The following PLCB2 variants were observed in gnomAD, a reference collection of about 807,000 sequenced individuals.
The protein encoded by PLCB2 is phospholipase C beta 2, also known as 1-phosphatidylinositol 4,5-bisphosphate phosphodiesterase beta-2.
In PLCB2, 115 loss-of-function variants were observed where a neutral mutation model predicts 141.7. The observed-to-expected ratio is 0.81, with a 90% confidence interval of 0.70 to 0.95. PLCB2 has a LOEUF of 0.95. Among genes scored for constraint, PLCB2 ranks in the 40% least tolerant of loss-of-function variants. PLCB2 has a pLI of 0.00. For synonymous variants in PLCB2, 603 were observed against 595.6 expected (o/e 1.01, Z -0.18); for missense variants, 1,403 against 1,541.1 (o/e 0.91, Z 1.50).
chr15:40,292,424 C>A lies in PLCB2; in HGVS notation c.2346G>T (p.Leu782=), dbSNP rs1270668559. Residue 782 remains leucine (L), a synonymous_variant, in exon 22 of 32, where the codon CTG becomes CTT. Coordinates refer to ENST00000260402, the MANE Select transcript of PLCB2 (RefSeq NM_004573.3). The stretch of plus-strand genomic sequence containing the variant: ...TGAGGGGCATGTTGCTCTCACTGTG[C>A]AGGCACAGGTGGTGGTACCCTGTGA... The part of the protein sequence containing the change: ...ALNSGYHHLC[L]HSESNMPLTM... 1 of 1,613,376 alleles carries A rather than the reference C, an allele frequency of 6.2e-7. No homozygotes were observed. Among genetic ancestry groups the A allele is most frequent in the Non-Finnish European group, 8.5e-7 (1 of 1,179,500 alleles).
chr15:40,285,708 T>C (rs1261841388), downstream of PLCB2: 1 of 985,368 alleles, frequency 1.0e-6, no homozygotes, highest in Non-Finnish European at 1.2e-6. Context: ...GTGAGGGAAA[T>C]TGCTTTCTTC....
chr15:40,305,187 T>C (rs4924451), intron 1 of PLCB2, among the ~76,000 whole-genome samples: 62,969 of 141,136 alleles, frequency 0.45, 13,696 homozygotes, highest in East Asian at 0.69. Flanking sequence ...TTTTTTTTTT[T>C]TTTTTTTTTA....
At chr15:40,289,919 T>A in intron 30 of PLCB2, 106 bp downstream of exon 30, 1 of 862,062 alleles carries the variant, frequency 1.2e-6, no homozygotes, top group East Asian at 2.5e-5. Context: ...CACCCCTTCC[T>A]ACTTGTGAAG....
At chr15:40,289,950 AGAGAGAGAGAGAGAGAGAGTGTGT>A (rs1339486652) in intron 30 of PLCB2, 51 bp downstream of exon 30, 13 of 394,710 alleles carry the variant, frequency 3.3e-5, no homozygotes, top group African/African-American at 2.6e-4. Context: ...AGAGAGAGAG[AGAGAGAGAGAGAGAGAGAGTGTGT>A]GTGTGTGTGT....
intron 16 of PLCB2, 29 bp from the exon 17 acceptor site, chr15:40,295,314 G>C: frequency 1.3e-6 from 2 of 1,487,364 alleles, no homozygotes; most frequent in Non-Finnish European, 1.9e-6. Flanking sequence ...GAGGGGAGGA[G>C]TTTTATCAGG....
chr15:40,297,802 G>T lies in PLCB2; in HGVS notation c.1238+75C>A, dbSNP rs555412173. ...TAGGCAATGGTTAGAGGCTGGGGCA[G>T]TTGTGGGGAGGACAGTTGCAGACAG... On this transcript the variant is annotated intron_variant, in intron 12 of 31. Coordinates refer to ENST00000260402, the MANE Select transcript of PLCB2 (RefSeq NM_004573.3). The surrounding 1 kb of genome is among the most constrained non-coding windows in gnomAD (Gnocchi z 4.2). 2 of 1,217,106 alleles carry T rather than the reference G, an allele frequency of 1.6e-6. No individual in the cohort carries two copies. Among genetic ancestry groups the T allele is most frequent in the Non-Finnish European group, 2.4e-6 (2 of 824,524 alleles). The allele number at this position is 1,217,106 out of a possible 1,614,324, so 75.4% of individuals were successfully genotyped here. A position where few individuals can be genotyped will look rare whatever the true frequency, so the allele number is the denominator to read the frequency against.
chr15:40,296,330 C>T lies in PLCB2; in HGVS notation c.1662G>A (p.Gln554=), dbSNP rs1240365637. The change falls in exon 16 of 32, where the codon CAG becomes CAA. Residue 554 remains glutamine (Q), a synonymous_variant. Coordinates refer to ENST00000260402, the MANE Select transcript of PLCB2 (RefSeq NM_004573.3). ...ACTCAAAGGAGACGAACTTGGTGGG[C>T]TGGATGTAATTGACTAGGCTGGACA... The part of the protein sequence containing the change: ...EEMSSLVNYI[Q]PTKFVSFEFS... 6.2e-7 allele frequency: 1 copy of T among 1,613,714 alleles called. No individual in the cohort carries two copies. The highest frequency in any genetic ancestry group is 1.1e-5 in the South Asian group (1 of 90,960).
Position 40,297,025 on chromosome 15 carries a change from A to G in PLCB2, c.1324-117T>C, listed in dbSNP as rs1397768280. On this transcript the variant is annotated intron_variant, in intron 13 of 31. Transcript: ENST00000260402. The surrounding 1 kb of genome is among the most constrained non-coding windows in gnomAD (Gnocchi z 4.2). ...CACTCCTCTTGACCTGCCTCTCACT[A>G]CTGCTTATCATCCCCATTCTCACTG... 1 of 903,784 alleles carries G rather than the reference A, an allele frequency of 1.1e-6. No individual in the cohort carries two copies. The highest frequency in any genetic ancestry group is 1.8e-6 in the Non-Finnish European group (1 of 565,644). The allele number at this position is 903,784 out of a possible 1,614,324, so 56.0% of individuals were successfully genotyped here.
In PLCB2 at chr15:40,295,261, G is replaced by A; in HGVS notation, c.1721C>T (p.Ser574Leu). The stretch of plus-strand genomic sequence containing the variant: ...ATATGCCTTGAGCTCTGTGAAGGAC[G>A]AGATGACATAACTTCGGTTCTTTTC... ...SAQKNRSYVI[S>L]SFTELKAYDL... The change falls in exon 17 of 32, where the codon TCG becomes TTG. Residue 574 changes from serine (S) to leucine (L), a missense_variant. This residue lies in a region of PLCB2 where 975 missense variants were observed against 1,141.1 expected (regional missense o/e 0.85). Coordinates refer to ENST00000260402, the MANE Select transcript of PLCB2 (RefSeq NM_004573.3). The A allele has an allele frequency of 4.3e-6, 7 of 1,613,430 alleles. No individual in the cohort carries two copies. The highest frequency in any genetic ancestry group is 3.3e-5 in the South Asian group (3 of 91,066).
chr15:40,284,490 G>A (rs1334609519), downstream of PLCB2: 4 of 455,834 alleles, frequency 8.8e-6, no homozygotes, highest in Non-Finnish European at 1.8e-5. Context: ...GAGGGCTCTC[G>A]GGCCTTTTAA....
In PLCB2 at chr15:40,291,481, C is replaced by T. The variant is rs1695689996; in HGVS notation, c.2654G>A (p.Arg885Gln). The T allele has an allele frequency of 1.3e-6, 2 of 1,577,622 alleles. No individual in the cohort carries two copies. The highest frequency in any genetic ancestry group is 2.3e-5 in the South Asian group (2 of 87,592). The part of the protein sequence containing the change: ...EEAMKEAAEP[R>Q]TASLEELREL... ...CCGGAGCTCCTCCAGGCTGGCGGTC[C>T]GCGGCTCTGCGGAGGCCCGGGTGAG... Residue 885 changes from arginine to glutamine, a missense_variant, in exon 26 of 32, where the codon CGG becomes CAG. By Grantham distance (43) the Arg-to-Gln change is conservative. Transcript: ENST00000260402.
At position 40,291,827 on chromosome 15, in the gene PLCB2, G is replaced by A. The variant is rs565346783; in HGVS notation, c.2602+22C>T. 12 of 1,614,024 alleles carry A rather than the reference G, an allele frequency of 7.4e-6. No individual in the cohort carries two copies. In the East Asian group the frequency reaches 1.1e-4, roughly 15 times the overall value. On this transcript the variant is annotated intron_variant, in intron 24 of 31. Transcript: ENST00000260402. ...GCAGAGGTGGAGGTGCCCCCAGTAG[G>A]TGTGCGGACCGAAGCTCATACCTGG... is the stretch of plus-strand genomic sequence containing the variant.
intron 16 of PLCB2, 35 bp from the exon 17 acceptor site, chr15:40,295,320 T>G: frequency 6.9e-7 from 1 of 1,448,372 alleles, no homozygotes; most frequent in Non-Finnish European, 9.7e-7. Context: ...AGGAGTTTTA[T>G]CAGGCTGTCC....
At chr15:40,298,092 C>T in intron 11 of PLCB2, 131 bp downstream of exon 11, 1 of 1,201,670 alleles carries the variant, frequency 8.3e-7, no homozygotes, top group Non-Finnish European at 1.2e-6. Flanking sequence ...CCAATCCCTG[C>T]TGGTCCCCAA....
intron 18 of PLCB2, among the ~76,000 whole-genome samples, chr15:40,294,667 G>C (rs2040109294): frequency 1.3e-5 from 2 of 150,334 alleles, no homozygotes; most frequent in South Asian, 4.2e-4. Flanking sequence ...AGCTGGGGCA[G>C]CTGGGGCAGG....
chr15:40,289,021 A>G (rs2039702591), intron 31 of PLCB2, 103 bp from the exon 32 acceptor site: 42 of 1,488,420 alleles, frequency 2.8e-5, no homozygotes, highest in Non-Finnish European at 3.7e-5. Context: ...CCATGTTCGG[A>G]GCTCCCAGGA....
At position 40,288,777 on chromosome 15, in the gene PLCB2, G is replaced by C. The variant is rs2039682898; in HGVS notation, c.3496C>G (p.Pro1166Ala). The change falls in exon 32 of 32, where the codon CCA (proline) becomes GCA (alanine). Residue 1166 changes from proline to alanine, a missense_variant. Pro to Ala is a conservative substitution (Grantham distance 27). This residue lies in a region of PLCB2 where 132 missense variants were observed against 132.4 expected (regional missense o/e 1.00). Coordinates refer to ENST00000260402, the MANE Select transcript of PLCB2 (RefSeq NM_004573.3). ...AGTGGGTCCTGCTCACACAGCTCTG[G>C]GGGGCACTCGCAGGCCCTCTCAGGC... ...DKPERACECP[P>A]ELCEQDPLIA... 1 of 1,613,776 alleles carries C rather than the reference G, an allele frequency of 6.2e-7. No individual in the cohort carries two copies. Among genetic ancestry groups the C allele is most frequent in the Non-Finnish European group, 8.5e-7 (1 of 1,179,774 alleles).
chr15:40,289,303 C>G lies in PLCB2; in HGVS notation c.3323G>C (p.Cys1108Ser), dbSNP rs896282907. Residue 1108 changes from cysteine to serine, a missense_variant, in exon 31 of 32, where the codon TGC (cysteine) becomes TCC (serine). Around this residue, in one of 4 missense-constraint regions of PLCB2, gnomAD observed 132 missense variants for 132.4 expected, o/e 1.00. Transcript: ENST00000260402. ...TTCCATCTCCCGTATCTGTTCCAGG[C>G]AAGCCGCCTGCTTCTCCTCCAGCTT... ...QEKLEEKQAA[C>S]LEQIREMEKQ... The G allele has an allele frequency of 1.9e-6, 3 of 1,614,012 alleles. No homozygotes were observed. The African/African-American group carries it at 4.0e-5, about 22-fold the overall frequency.
rs548017757 is a variant in PLCB2 at position 40,307,900 on chromosome 15, C to T, written c.-228G>A. On this transcript the variant is annotated 5_prime_UTR_variant, in exon 1 of 32. Coordinates refer to ENST00000260402, the MANE Select transcript of PLCB2 (RefSeq NM_004573.3). ...TTGTAAATCACCCTCCTCCCACCCG[C>T]CCTGCCTGCCATGGGGGCCTGTGGT... is the stretch of plus-strand genomic sequence containing the variant. The T allele has an allele frequency of 8.2e-5, 31 of 378,916 alleles. No individual in the cohort carries two copies. The highest frequency in any genetic ancestry group is 6.1e-5 in the Non-Finnish European group (13 of 212,800). The allele number at this position is 378,916 out of a possible 1,614,324, so 23.5% of individuals were successfully genotyped here.
Sources: gnomAD v4.1 joint callset for allele counts (sites outside exome capture counted in the v4.1 genomes callset) on GRCh38, gnomAD v4.1.1 for gene constraint, gnomAD v4.1.1 regional missense constraint, Gnocchi (gnomAD v3.1) non-coding constraint, MANE v1.5 for transcripts, NCBI Gene and HGNC (gene_info 2026-07-23, HGNC 2026-07-21) for gene names.